SIK3: variants seen among roughly 807,000 people sequenced by gnomAD.
SIK3 encodes the protein SIK family kinase 3, also known as serine/threonine-protein kinase SIK3.
In SIK3, 28 loss-of-function variants were observed where a neutral mutation model predicts 144.2. The observed-to-expected ratio is 0.19, with a 90% CI of 0.14 to 0.27. SIK3 has a LOEUF of 0.27. SIK3 is among the 10% of genes least tolerant of loss of function. The pLI is 1.00. For missense variants in SIK3, 1,319 were observed against 1,776.0 expected, an observed-to-expected ratio of 0.74 and a Z score of 4.62; for synonymous variants, 686 against 676.3, an observed-to-expected ratio of 1.01 and a Z score of -0.22.
At chr11:117,012,079 AG>A (rs1951284904) in intron 1 of SIK3, among the ~76,000 whole-genome samples, 1 of 126,530 alleles carries the variant, frequency 7.9e-6, no homozygotes, top group African/African-American at 2.5e-5. Flanking sequence ...CCCAAGCTCA[AG>A]TGATCCTCCC....
intron 4 of SIK3, among the ~76,000 whole-genome samples, chr11:116,923,713 T>TGG (rs1296589567): frequency 3.3e-5 from 5 of 152,208 alleles, no homozygotes; most frequent in Admixed American, 3.3e-4. Flanking sequence ...ATGTACGCTT[T>TGG]GGGTTAATGA....
At chr11:117,016,390 GGGAGGGAAGGAAGGAAGGAA>G (rs1425980283) in intron 1 of SIK3, among the ~76,000 whole-genome samples, 1 of 19,526 alleles carries the variant, frequency 5.1e-5, no homozygotes, top group Non-Finnish European at 1.7e-4. Flanking sequence ...GAGAGAGGGA[GGGAGGGAAGGAAGGAAGGAA>G]GGAAGGAAGG....
chr11:116,901,245 A>G (rs1315642993), intron 4 of SIK3, among the ~76,000 whole-genome samples: 1 of 152,194 alleles, frequency 6.6e-6, no homozygotes. Flanking sequence ...CGTTTTATTT[A>G]TCCTAGTCTC....
chr11:116,993,882 T>C (rs1950574898), intron 1 of SIK3, among the ~76,000 whole-genome samples: 1 of 152,344 alleles, frequency 6.6e-6, no homozygotes, highest in Admixed American at 6.5e-5. Flanking sequence ...CAAGTGCCTT[T>C]TCCGAACTGT....
intron 1 of SIK3, among the ~76,000 whole-genome samples, chr11:117,021,963 C>CAAAAA (rs1951795936): frequency 1.4e-5 from 1 of 73,376 alleles, no homozygotes; most frequent in South Asian, 4.7e-4. Flanking sequence ...AAAAAAAAAC[C>CAAAAA]TAAAAATAAC....
intron 3 of SIK3, among the ~76,000 whole-genome samples, chr11:116,947,737 T>C (rs529624457): frequency 4.1e-4 from 62 of 151,626 alleles, no homozygotes; most frequent in Non-Finnish European, 7.4e-4. Context: ...AGCTAATTTT[T>C]TGTATTTTTA....
chr11:116,881,336 G>A (rs1432245250), intron 6 of SIK3, among the ~76,000 whole-genome samples: 9 of 151,986 alleles, frequency 5.9e-5, no homozygotes, highest in East Asian at 1.9e-4. Context: ...AGCGGTCTCC[G>A]CAGTGAGAGT....
At chr11:116,917,567 G>C (rs1378264691) in intron 4 of SIK3, among the ~76,000 whole-genome samples, 1 of 151,934 alleles carries the variant, frequency 6.6e-6, no homozygotes, top group East Asian at 1.9e-4. Flanking sequence ...AATTCGCCAG[G>C]CATGGTGGCA....
chr11:116,986,780 C>A (rs1270270310), intron 1 of SIK3, among the ~76,000 whole-genome samples: 2 of 152,158 alleles, frequency 1.3e-5, no homozygotes, highest in African/African-American at 4.8e-5. Context: ...TGGCAACTAC[C>A]AACACTCATG....
At position 116,984,420 on chromosome 11, in the gene SIK3, G is replaced by T. The variant is rs117280875; in HGVS notation, c.274-27356C>A. On this transcript the variant is annotated intron_variant, in intron 1 of 24. Transcript: ENST00000445177. ...GCTACATGGATGCAAATTCCTCAATGCAATTTACCCTATAAGCAGCATGCG... is the reference window on the plus strand; with the variant it reads ...GCTACATGGATGCAAATTCCTCAATTCAATTTACCCTATAAGCAGCATGCG... Among the ~76,000 whole-genome samples, 934 of 152,258 alleles carry T rather than the reference G, an allele frequency of 6.1e-3. 4 individuals are homozygous for T. The highest frequency in any genetic ancestry group is 0.011 in the Non-Finnish European group (721 of 68,006).
At chr11:116,847,750 C>T (rs1942096501) in intron 22 of SIK3, 142 bp from the exon 23 acceptor site, 5 of 944,928 alleles carry the variant, frequency 5.3e-6, no homozygotes, top group East Asian at 5.0e-5. Flanking sequence ...TAAAGCACCA[C>T]CCAAAGGGGG....
intron 1 of SIK3, among the ~76,000 whole-genome samples, chr11:117,070,752 CTTTTTT>C (rs368884148): frequency 0.028 from 3,619 of 128,158 alleles, 85 homozygotes; most frequent in South Asian, 0.12. Flanking sequence ...GGCCCTTTTT[CTTTTTT>C]TTTTTTTTTT....
At chr11:116,847,146 C>A (rs1027379443) in intron 23 of SIK3, among the ~76,000 whole-genome samples, 2 of 152,208 alleles carry the variant, frequency 1.3e-5, no homozygotes, top group African/African-American at 4.8e-5. Context: ...TGACACCCTC[C>A]CTTGACTGGC....
intron 1 of SIK3, among the ~76,000 whole-genome samples, chr11:116,983,249 C>T (rs983988300): frequency 2.1e-4 from 29 of 140,018 alleles, no homozygotes; most frequent in Non-Finnish European, 1.5e-4. Context: ...AAAAATTGAT[C>T]GGCCAGGCAT....
Position 116,982,926 on chromosome 11 carries a change from G to A in SIK3, c.274-25862C>T, listed in dbSNP as rs111760827. ...ACCACTGCACTCCAGCCTGGGTGAC[G>A]GTACGAGACTCCGTCTCAAAAAAAA... On this transcript the variant is annotated intron_variant, in intron 1 of 24. Transcript: ENST00000445177. 7.3e-3 allele frequency among the ~76,000 whole-genome samples: 838 copies of A among 115,188 alleles called. 8 individuals are homozygous for A. The highest frequency in any genetic ancestry group is 0.023 in the African/African-American group (691 of 29,646). The allele number at this position is 115,188 out of a possible 152,430, so 75.6% of individuals were successfully genotyped here.
Position 117,009,430 on chromosome 11 carries a change from C to T in SIK3, c.274-52366G>A, listed in dbSNP as rs367745329. 4.6e-5 allele frequency among the ~76,000 whole-genome samples: 7 copies of T among 151,682 alleles called. No individual in the cohort carries two copies. In the South Asian group the frequency reaches 1.0e-3, roughly 23 times the overall value. On this transcript the variant is annotated intron_variant, in intron 1 of 24. Transcript: ENST00000445177. ...AAGTGAGGCACTGGGAATGGTGGCA[C>T]GCACCTGTGCTCTCAGCTACTCAGG...
chr11:117,054,899 G>A (rs539669171), intron 1 of SIK3, among the ~76,000 whole-genome samples: 6 of 152,178 alleles, frequency 3.9e-5, no homozygotes, highest in Middle Eastern at 3.4e-3. Context: ...CTCTTTTTCT[G>A]GGCAGAACAG....
intron 4 of SIK3, among the ~76,000 whole-genome samples, chr11:116,898,549 C>CA (rs1007624816): frequency 1.3e-5 from 2 of 152,138 alleles, no homozygotes; most frequent in Non-Finnish European, 2.9e-5. Context: ...GGAATCACCA[C>CA]ACTGACTTCC....
At chr11:117,051,869 C>A (rs143856824) in intron 1 of SIK3, among the ~76,000 whole-genome samples, 3,733 of 151,456 alleles carry the variant, frequency 0.025, 85 homozygotes, top group South Asian at 0.11. Context: ...CCAGGCCGGG[C>A]GTGGTGGCTC....
Sources: allele counts gnomAD v4.1 joint callset (sites outside exome capture counted in the v4.1 genomes callset), GRCh38; gene constraint gnomAD v4.1.1; transcripts MANE v1.5; gene names NCBI Gene and HGNC (gene_info 2026-07-23, HGNC 2026-07-21).